GTSF1: variants seen among roughly 807,000 people sequenced by gnomAD.
GTSF1 encodes the protein gametocyte-specific factor 1.
A neutral mutation model predicts 28.9 loss-of-function variants in GTSF1; 11 were observed. The observed-to-expected ratio is 0.38, with a 90% CI of 0.24 to 0.63. The LOEUF (loss-of-function observed/expected upper bound fraction) is 0.63. GTSF1 is among the 30% of genes least tolerant of loss of function. The pLI is 0.56. For missense variants in GTSF1, 146 were observed against 201.0 expected (o/e 0.73, Z 1.66); for synonymous variants, 69 against 65.6 (o/e 1.05, Z -0.25).
At chr12:54,461,680 T>G (rs912297516) in intron 6 of GTSF1, among the ~76,000 whole-genome samples, 2 of 152,124 alleles carry the variant, frequency 1.3e-5, no homozygotes, top group Non-Finnish European at 2.9e-5. Flanking sequence ...GAAGAAGAGA[T>G]GCATATTCTT....
chr12:54,456,826 C>G (rs984104171), intron 8 of GTSF1, among the ~76,000 whole-genome samples: 1 of 152,198 alleles, frequency 6.6e-6, no homozygotes, highest in Non-Finnish European at 1.5e-5. Context: ...TGGCTCCTGC[C>G]TGTAATCCTA....
At chr12:54,472,721 A>T (rs1038458087) in intron 1 of GTSF1, 4 of 152,150 alleles carry the variant, frequency 2.6e-5, no homozygotes, top group Non-Finnish European at 5.9e-5. Flanking sequence ...GCAGCGTTAG[A>T]ACCTATGATA....
In GTSF1 at chr12:54,462,670, G is replaced by A. The variant is rs1303761903; in HGVS notation, c.300C>T (p.Cys100=). 6.2e-7 allele frequency: 1 copy of A among 1,613,794 alleles called. No homozygotes were observed. Among genetic ancestry groups the A allele is most frequent in the Non-Finnish European group, 8.5e-7 (1 of 1,179,818 alleles). Reference sequence around the variant, plus strand: ...TATCCCAGTCTTCATCGCAAGGAGGGCACTGCCAAGTGCTCTCAGCCAGAG... The same window carrying A: ...TATCCCAGTCTTCATCGCAAGGAGGACACTGCCAAGTGCTCTCAGCCAGAG... ...QETLAESTWQ[C]PPCDEDWDKD... Residue 100 remains cysteine, a synonymous_variant, in exon 5 of 9, where the codon TGC becomes TGT. Coordinates refer to ENST00000305879, the MANE Select transcript of GTSF1 (RefSeq NM_144594.3).
chr12:54,459,766 G>A (rs1418340532), intron 7 of GTSF1, among the ~76,000 whole-genome samples: 2 of 98,582 alleles, frequency 2.0e-5, no homozygotes, highest in Non-Finnish European at 3.8e-5. Flanking sequence ...TCGCTCTGTC[G>A]CCCAGGCTGG....
At position 54,470,047 on chromosome 12, in the gene GTSF1, C is replaced by T. The variant is rs890213119; in HGVS notation, c.16+1186G>A. Among the ~76,000 whole-genome samples, 21 of 152,220 alleles carry T rather than the reference C, an allele frequency of 1.4e-4. No individual in the cohort carries two copies. In the East Asian group the frequency reaches 1.6e-3, roughly 11 times the overall value. ...AAAATTAGCTGGGCATGGTGGCACA[C>T]GCCTATAACCCCAGCTACTCAGGAG... On this transcript the variant is annotated intron_variant, in intron 2 of 8. Coordinates refer to ENST00000305879, the MANE Select transcript of GTSF1 (RefSeq NM_144594.3).
intron 4 of GTSF1, 100 bp from the exon 5 acceptor site, chr12:54,462,825 G>A (rs1470433223): frequency 1.1e-6 from 1 of 875,032 alleles, no homozygotes; most frequent in Non-Finnish European, 1.8e-6. Context: ...AGCCTGTTGG[G>A]TCTTTATTTC....
At chr12:54,465,196 A>C in intron 2 of GTSF1, 29 bp from the exon 3 acceptor site, 2 of 1,465,856 alleles carry the variant, frequency 1.4e-6, no homozygotes, top group Non-Finnish European at 1.9e-6. Flanking sequence ...TCAGTAGGTA[A>C]AACGATAATA....
chr12:54,462,765 G>T, intron 4 of GTSF1, 40 bp from the exon 5 acceptor site: 1 of 1,528,412 alleles, frequency 6.5e-7, no homozygotes. Flanking sequence ...GGGGGATATT[G>T]CCAAGTTATT....
chr12:54,465,043 T>C (rs1435606675), intron 3 of GTSF1, 24 bp downstream of exon 3: 2 of 1,507,980 alleles, frequency 1.3e-6, no homozygotes, highest in East Asian at 4.5e-5. Context: ...CAGGAGGGTG[T>C]TAGAGGGCAA....
intron 2 of GTSF1, 64 bp downstream of exon 2, chr12:54,471,169 G>T (rs1956588932): frequency 7.7e-7 from 1 of 1,305,352 alleles, no homozygotes; most frequent in Non-Finnish European, 1.0e-6. Flanking sequence ...TAAAAGTCTT[G>T]TCAGATATAA....
chr12:54,464,047 G>C (rs73308575), intron 3 of GTSF1, among the ~76,000 whole-genome samples: 1 of 152,034 alleles, frequency 6.6e-6, no homozygotes, highest in Non-Finnish European at 1.5e-5. Context: ...AATGAAACTC[G>C]GAAAAGTAAA....
rs1956614236 is a variant in GTSF1, at chr12:54,473,538, T to G, written c.-30+8A>C. 1 of 152,078 alleles carries G rather than the reference T, an allele frequency of 6.6e-6. No individual in the cohort carries two copies. The highest frequency in any genetic ancestry group is 2.4e-5 in the African/African-American group (1 of 41,398). 9.4% of individuals were successfully genotyped at this position (152,078 alleles called of 1,614,324 possible). A position where few individuals can be genotyped will look rare whatever the true frequency, so the allele number is the denominator to read the frequency against. ...TGCTTAGAGGCGCCCCGGGGTGCCT[T>G]TCCTTACCTCGGTGGACACACACCT... On this transcript the variant is annotated splice_region_variant and intron_variant, in intron 1 of 8. Coordinates refer to ENST00000305879, the MANE Select transcript of GTSF1 (RefSeq NM_144594.3).
intron 2 of GTSF1, among the ~76,000 whole-genome samples, chr12:54,470,876 TCCC>T (rs1956585463): frequency 3.3e-5 from 5 of 152,198 alleles, no homozygotes; most frequent in Non-Finnish European, 7.3e-5. Context: ...TAAGAATCCT[TCCC>T]AGATTTCTTA....
chr12:54,457,578 C>A (rs1484455109), intron 8 of GTSF1, among the ~76,000 whole-genome samples: 1 of 152,176 alleles, frequency 6.6e-6, no homozygotes, highest in Non-Finnish European at 1.5e-5. Flanking sequence ...CTGTGCCCAG[C>A]CCTCCCTGCT....
chr12:54,459,344 A>AT (rs1304173395), intron 7 of GTSF1: 10 of 1,431,406 alleles, frequency 7.0e-6, no homozygotes, highest in Admixed American at 5.4e-5. Flanking sequence ...TGGTGACTTC[A>AT]TTTTTTGGGA....
chr12:54,472,918 G>A (rs1427955184), intron 1 of GTSF1, among the ~76,000 whole-genome samples: 1 of 152,092 alleles, frequency 6.6e-6, no homozygotes, highest in African/African-American at 2.4e-5. Flanking sequence ...TTAAAAATAA[G>A]AGTTTTGGAA....
chr12:54,464,558 C>T (rs1314714722), intron 3 of GTSF1: 1 of 152,284 alleles, frequency 6.6e-6, no homozygotes, highest in African/African-American at 2.4e-5. Context: ...TAAGTCTATA[C>T]AAGAGTGACC....
In GTSF1 at chr12:54,462,052, G is replaced by T. The variant is rs373647650; in HGVS notation, c.392+57C>A. On this transcript the variant is annotated intron_variant, in intron 6 of 8. Transcript: ENST00000305879. The stretch of plus-strand genomic sequence containing the variant: ...AATTCATGCTCCGGTGGCTTCTCTT[G>T]GTAACAGAACACGCTGATTTTGGGA... The T allele has an allele frequency of 6.1e-6, 8 of 1,315,412 alleles. No individual in the cohort carries two copies. The African/African-American group carries it at 1.0e-4, about 17-fold the overall frequency. 81.5% of individuals were successfully genotyped at this position (1,315,412 alleles called of 1,614,324 possible).
intron 3 of GTSF1, among the ~76,000 whole-genome samples, chr12:54,463,841 G>C (rs1956464978): frequency 6.6e-6 from 1 of 152,208 alleles, no homozygotes; most frequent in East Asian, 1.9e-4. Context: ...TTAACGTAAT[G>C]ATGCCTGAAA....
Sources: allele counts gnomAD v4.1 joint callset (sites outside exome capture counted in the v4.1 genomes callset), GRCh38; gene constraint gnomAD v4.1.1; transcripts MANE v1.5; gene names NCBI Gene and HGNC (gene_info 2026-07-23, HGNC 2026-07-21).